NBEA: variants seen among roughly 807,000 people sequenced by gnomAD.
The protein encoded by NBEA is neurobeachin.
A neutral mutation model predicts 343.4 loss-of-function variants in NBEA; 44 were observed. The observed-to-expected ratio is 0.13, with a 90% CI of 0.10 to 0.16. The LOEUF (loss-of-function observed/expected upper bound fraction) is 0.16. Ranked by LOEUF, NBEA falls within the 10% of genes least tolerant of loss-of-function variation. NBEA has a pLI of 1.00. For missense variants in NBEA, 2,555 were observed against 3,631.3 expected, an observed-to-expected ratio of 0.70 and a Z score of 7.62; for synonymous variants, 1,175 against 1,238.7, an observed-to-expected ratio of 0.95 and a Z score of 1.08.
intron 41 of NBEA, among the ~76,000 whole-genome samples, chr13:35,501,465 T>C (rs1341354002): frequency 6.6e-6 from 1 of 152,138 alleles, no homozygotes; most frequent in Non-Finnish European, 1.5e-5. Flanking sequence ...TTTTTAAAAA[T>C]GTAAATGTCT....
intron 39 of NBEA, among the ~76,000 whole-genome samples, chr13:35,448,494 G>T (rs560663774): frequency 1.3e-5 from 2 of 152,264 alleles, no homozygotes; most frequent in Admixed American, 1.3e-4. Context: ...TTCAGACTTT[G>T]AAATATGCAG....
At chr13:35,002,280 A>G (rs2061167277) in intron 1 of NBEA, among the ~76,000 whole-genome samples, 1 of 152,182 alleles carries the variant, frequency 6.6e-6, no homozygotes, top group Non-Finnish European at 1.5e-5. Flanking sequence ...GTTCTCTGAC[A>G]TACTCAATAA....
intron 41 of NBEA, among the ~76,000 whole-genome samples, chr13:35,487,243 A>T (rs537711895): frequency 6.6e-6 from 1 of 152,054 alleles, no homozygotes; most frequent in Non-Finnish European, 1.5e-5. Flanking sequence ...GATACATATG[A>T]TTATATTATT....
At chr13:35,059,495 G>C (rs552650474) in intron 8 of NBEA, among the ~76,000 whole-genome samples, 1 of 151,800 alleles carries the variant, frequency 6.6e-6, no homozygotes, top group East Asian at 1.9e-4. Flanking sequence ...AGTATATAAG[G>C]GTTCTATTTA....
chr13:35,451,962 A>C, intron 39 of NBEA, 130 bp from the exon 40 acceptor site: 1 of 705,276 alleles, frequency 1.4e-6, no homozygotes, highest in South Asian at 2.1e-5. Context: ...GAAGGTTAAA[A>C]TGTTCTGTAA....
At chr13:35,249,598 G>A (rs2031705404) in intron 34 of NBEA, among the ~76,000 whole-genome samples, 1 of 152,174 alleles carries the variant, frequency 6.6e-6, no homozygotes. Context: ...AGGATATGGA[G>A]AAGTTGAAAA....
intron 8 of NBEA, among the ~76,000 whole-genome samples, chr13:35,063,534 G>A (rs2063540340): frequency 6.6e-6 from 1 of 152,000 alleles, no homozygotes; most frequent in Non-Finnish European, 1.5e-5. Flanking sequence ...TACAGAAGGA[G>A]CAAGGGGAAG....
chr13:35,566,553 G>A (rs1326123708), intron 44 of NBEA, among the ~76,000 whole-genome samples: 1 of 151,976 alleles, frequency 6.6e-6, no homozygotes, highest in Non-Finnish European at 1.5e-5. Flanking sequence ...AGTTTCAGTG[G>A]GCCAAGTCTT....
chr13:35,521,380 A>G (rs2077706514), intron 41 of NBEA, among the ~76,000 whole-genome samples: 1 of 152,234 alleles, frequency 6.6e-6, no homozygotes, highest in Non-Finnish European at 1.5e-5. Flanking sequence ...ATGAATATTC[A>G]GGAATCATTT....
chr13:35,441,287 T>C (rs1259098317), intron 39 of NBEA, among the ~76,000 whole-genome samples: 1 of 152,200 alleles, frequency 6.6e-6, no homozygotes, highest in African/African-American at 2.4e-5. Context: ...TTTATTTTCC[T>C]TAAATTGTCT....
chr13:35,094,191 A>G (rs1015974260), intron 10 of NBEA, among the ~76,000 whole-genome samples: 1 of 152,066 alleles, frequency 6.6e-6, no homozygotes, highest in African/African-American at 2.4e-5. Flanking sequence ...CTCACTTTTA[A>G]TAGAGTCTCT....
chr13:35,489,329 G>A lies in NBEA; in HGVS notation c.6585+16793G>A, dbSNP rs530781345. ...CATGAATCTAAATGCACAAGCGGTC[G>A]TTTTATGAACTCTTTCTGTGCTTTG... is the stretch of plus-strand genomic sequence containing the variant. On this transcript the variant is annotated intron_variant, in intron 41 of 58. Coordinates refer to ENST00000379939, the MANE Select transcript of NBEA (RefSeq NM_001385012.1). Among the ~76,000 whole-genome samples, 144 of 151,914 alleles carry A rather than the reference G, an allele frequency of 9.5e-4. 3 individuals are homozygous for A. The South Asian group carries it at 0.019, about 20-fold the overall frequency.
chr13:35,079,905 T>C (rs1305052988), intron 10 of NBEA, among the ~76,000 whole-genome samples: 1 of 152,168 alleles, frequency 6.6e-6, no homozygotes, highest in Non-Finnish European at 1.5e-5. Context: ...TTTATACTTT[T>C]TCTATAGGAA....
chr13:35,034,494 G>A (rs1278876398), intron 1 of NBEA, among the ~76,000 whole-genome samples: 1 of 151,546 alleles, frequency 6.6e-6, no homozygotes, highest in African/African-American at 2.4e-5. Context: ...TATTTTTTAT[G>A]TGTCTGTGAC....
chr13:34,944,363 A>G (rs1251892886), intron 1 of NBEA, among the ~76,000 whole-genome samples: 2 of 152,228 alleles, frequency 1.3e-5, no homozygotes, highest in African/African-American at 4.8e-5. Flanking sequence ...CATGCATTAG[A>G]TAATGTCTAC....
chr13:35,457,758 G>A (rs1042951950), intron 40 of NBEA, among the ~76,000 whole-genome samples: 27 of 152,078 alleles, frequency 1.8e-4, no homozygotes, highest in Non-Finnish European at 2.9e-4. Flanking sequence ...ACAGGCACCC[G>A]CCACCACGCC....
intron 1 of NBEA, among the ~76,000 whole-genome samples, chr13:35,016,923 T>TTAAATCC (rs1432275926): frequency 1.3e-5 from 2 of 152,108 alleles, no homozygotes; most frequent in Non-Finnish European, 2.9e-5. Context: ...AGTGATTGGA[T>TTAAATCC]CCTTTAATGA....
In NBEA at chr13:34,942,627, C is replaced by A. The variant is rs373016335; in HGVS notation, c.-194C>A. On this transcript the variant is annotated 5_prime_UTR_variant, in exon 1 of 59. Transcript: ENST00000379939. ...CACCGCCGAGAATAAGCCTGCGGAT[C>A]CCCCGCCGCCTCCGCGGGGGAGAGC... 12 of 325,144 alleles carry A rather than the reference C, an allele frequency of 3.7e-5. No individual in the cohort carries two copies. In the East Asian group the frequency reaches 4.5e-4, roughly 12 times the overall value. 20.1% of individuals were successfully genotyped at this position (325,144 alleles called of 1,614,324 possible). A position where few individuals can be genotyped will look rare whatever the true frequency, so the allele number is the denominator to read the frequency against.
At chr13:35,615,287 CA>C (rs35687768) in intron 48 of NBEA, among the ~76,000 whole-genome samples, 3,778 of 116,794 alleles carry the variant, frequency 0.032, 57 homozygotes, top group Non-Finnish European at 0.038. Flanking sequence ...GACCCTGTCT[CA>C]AAAAAAAAAA....
Sources: allele counts gnomAD v4.1 joint callset (sites outside exome capture counted in the v4.1 genomes callset), GRCh38; gene constraint gnomAD v4.1.1; transcripts MANE v1.5; gene names NCBI Gene and HGNC (gene_info 2026-07-23, HGNC 2026-07-21).